Variants in CPXM2 observed in about 807,000 individuals in gnomAD.
The protein encoded by CPXM2 is carboxypeptidase X, M14 family member 2.
In CPXM2, 66 loss-of-function variants were observed where a neutral mutation model predicts 86.1. The ratio of observed to expected loss-of-function variants is 0.77; its 90% CI spans 0.63 to 0.94. The LOEUF is 0.94. Ranked by LOEUF, CPXM2 falls within the 40% of genes least tolerant of loss-of-function variation. CPXM2 has a pLI of 0.00. For synonymous variants in CPXM2, 388 were observed against 400.2 expected (o/e 0.97, Z 0.36); for missense variants, 948 against 1,026.3 (o/e 0.92, Z 1.04).
rs1945168828 is a variant in CPXM2 at position 123,885,707 on chromosome 10, G to T, written c.305-5398C>A. Among the ~76,000 whole-genome samples, 1 of 152,160 alleles carries T rather than the reference G, an allele frequency of 6.6e-6. No homozygotes were observed. On this transcript the variant is annotated intron_variant, in intron 1 of 13. Coordinates refer to ENST00000241305, the MANE Select transcript of CPXM2 (RefSeq NM_198148.3). This position sits in a 1 kb window ranked among gnomAD's most constrained non-coding sequence, Gnocchi z 4.0. ...GCTGCAGTGGCTGGGGCCTGAGAGG[G>T]CCACAGAGGGCAGAGCCATTGCTGG...
intron 4 of CPXM2, among the ~76,000 whole-genome samples, chr10:123,828,311 T>C (rs1328144174): frequency 6.6e-6 from 1 of 152,244 alleles, no homozygotes; most frequent in Non-Finnish European, 1.5e-5. Context: ...AGCAATTAAG[T>C]ATTTATAAGC....
intron 2 of CPXM2, among the ~76,000 whole-genome samples, chr10:123,912,591 C>T (rs73368741): frequency 0.064 from 9,687 of 152,262 alleles, 1,029 homozygotes; most frequent in African/African-American, 0.22. Context: ...CCTGGGTATT[C>T]ACCCCAAAGC....
intron 6 of CPXM2, among the ~76,000 whole-genome samples, chr10:123,787,329 C>T (rs1378374797): frequency 6.6e-6 from 1 of 152,184 alleles, no homozygotes; most frequent in South Asian, 2.1e-4. Flanking sequence ...CCAGCACCCA[C>T]ACCAGCCACA....
intron 2 of CPXM2, among the ~76,000 whole-genome samples, chr10:123,905,492 T>G (rs1330634699): frequency 1.3e-5 from 2 of 152,192 alleles, no homozygotes; most frequent in Non-Finnish European, 2.9e-5. Context: ...CCCTGCCGTT[T>G]GAGCCCCTGA....
intron 13 of CPXM2, chr10:123,750,125 T>A (rs1407684340): frequency 1.0e-6 from 1 of 985,182 alleles, no homozygotes; most frequent in Non-Finnish European, 1.2e-6. Flanking sequence ...GTTCTAGAGT[T>A]TATTTTTAAT....
At chr10:123,747,858 G>C (rs917314665) in intron 13 of CPXM2, among the ~76,000 whole-genome samples, 4 of 146,364 alleles carry the variant, frequency 2.7e-5, no homozygotes, top group Non-Finnish European at 6.0e-5. Context: ...GGAGGCGGAG[G>C]TTGCAGTGAG....
chr10:123,866,365 A>G (rs1289069453), intron 2 of CPXM2, among the ~76,000 whole-genome samples: 1 of 151,164 alleles, frequency 6.6e-6, no homozygotes, highest in Non-Finnish European at 1.5e-5. Context: ...GGATTTCGAG[A>G]CCAGCCTGGC....
At chr10:123,877,274 A>C (rs1945004164) in intron 2 of CPXM2, among the ~76,000 whole-genome samples, 1 of 152,252 alleles carries the variant, frequency 6.6e-6, no homozygotes. Flanking sequence ...GTCTATTATT[A>C]GGTGGTTATA....
intron 2 of CPXM2, among the ~76,000 whole-genome samples, chr10:123,923,837 T>C (rs1945599460): frequency 6.6e-6 from 1 of 152,190 alleles, no homozygotes; most frequent in East Asian, 1.9e-4. Flanking sequence ...ACACGCTCTC[T>C]CCTCTTGTCT....
chr10:123,808,963 T>TA, intron 4 of CPXM2, among the ~76,000 whole-genome samples: 1 of 151,964 alleles, frequency 6.6e-6, no homozygotes, highest in Non-Finnish European at 1.5e-5. Context: ...CTGAAAATAT[T>TA]AAATGGAAAA....
At chr10:123,897,879 GA>G (rs1310818556) in intron 2 of CPXM2, among the ~76,000 whole-genome samples, 2 of 152,264 alleles carry the variant, frequency 1.3e-5, no homozygotes, top group African/African-American at 4.8e-5. Flanking sequence ...CCCAGAATCA[GA>G]AGCAAGGGTT....
intron 6 of CPXM2, among the ~76,000 whole-genome samples, chr10:123,790,991 G>C (rs996372012): frequency 6.6e-6 from 1 of 152,180 alleles, no homozygotes; most frequent in Admixed American, 6.5e-5. Flanking sequence ...AGAATGGAAG[G>C]TACGGTGGGA....
intron 2 of CPXM2, among the ~76,000 whole-genome samples, chr10:123,864,119 T>A (rs908199645): frequency 5.3e-5 from 8 of 152,058 alleles, no homozygotes; most frequent in Non-Finnish European, 8.8e-5. Flanking sequence ...CCCATTCTCA[T>A]CCTCGTCTCC....
At chr10:123,894,952 C>T (rs980836225), upstream of CPXM2, among the ~76,000 whole-genome samples, 6 of 152,168 alleles carry the variant, frequency 3.9e-5, no homozygotes, top group Admixed American at 1.3e-4. Context: ...CCTAAACACC[C>T]GTTAACAACC....
rs1846094946 is a variant in CPXM2 at position 123,752,209 on chromosome 10, A to T, written c.2017+2454T>A. 5 of 985,396 alleles carry T rather than the reference A, an allele frequency of 5.1e-6. No homozygotes were observed. The South Asian group carries it at 2.3e-4, about 46-fold the overall frequency. 61.0% of individuals were successfully genotyped at this position (985,396 alleles called of 1,614,324 possible). Reference sequence around the variant, plus strand: ...GCGTGGTCTCTGGCACATTCCAGCTATGCAATCTACATTTGCTGAATTAAT... The same window carrying T: ...GCGTGGTCTCTGGCACATTCCAGCTTTGCAATCTACATTTGCTGAATTAAT... On this transcript the variant is annotated intron_variant, in intron 13 of 13. Coordinates refer to ENST00000241305, the MANE Select transcript of CPXM2 (RefSeq NM_198148.3).
intron 11 of CPXM2, among the ~76,000 whole-genome samples, chr10:123,760,630 T>C (rs1374268426): frequency 2.0e-5 from 3 of 152,216 alleles, no homozygotes; most frequent in Non-Finnish European, 2.9e-5. Flanking sequence ...ATGTGCTCAT[T>C]TGAGGTTTCA....
chr10:123,930,076 C>T (rs894782945), intron 2 of CPXM2, among the ~76,000 whole-genome samples: 15 of 152,232 alleles, frequency 9.9e-5, no homozygotes, highest in African/African-American at 2.7e-4. Context: ...CTGTCTTCCA[C>T]GCAGCCACCA....
chr10:123,770,424 C>A (rs1846600939), intron 8 of CPXM2, among the ~76,000 whole-genome samples: 1 of 152,194 alleles, frequency 6.6e-6, no homozygotes, highest in African/African-American at 2.4e-5. Context: ...CCCAGATTTA[C>A]CAAAAAGAAA....
intron 2 of CPXM2, among the ~76,000 whole-genome samples, chr10:123,914,856 A>G (rs915754274): frequency 2.0e-5 from 3 of 152,134 alleles, no homozygotes; most frequent in Non-Finnish European, 2.9e-5. Context: ...GGATTTGATT[A>G]ACGGCCTCCT....
Sources: allele counts gnomAD v4.1 joint callset (sites outside exome capture counted in the v4.1 genomes callset), GRCh38; gene constraint gnomAD v4.1.1; non-coding constraint Gnocchi (gnomAD v3.1); transcripts MANE v1.5; gene names NCBI Gene and HGNC (gene_info 2026-07-23, HGNC 2026-07-21).